Variants in BRINP3 observed in about 807,000 individuals in gnomAD.
The protein encoded by BRINP3 is BMP/retinoic acid inducible neural specific 3.
In BRINP3, 19 loss-of-function variants were observed where a neutral mutation model predicts 71.0. The ratio of observed to expected loss-of-function variants is 0.27; its 90% confidence interval spans 0.19 to 0.39. BRINP3 has a LOEUF of 0.39. Among genes scored for constraint, BRINP3 ranks in the 10% least tolerant of loss-of-function variants. BRINP3 has a pLI of 1.00. For synonymous variants in BRINP3, 380 were observed against 337.7 expected, an observed-to-expected ratio of 1.13 and a Z score of -1.37; for missense variants, 959 against 940.8, an observed-to-expected ratio of 1.02 and a Z score of -0.25.
chr1:190,170,168 G>T (rs1343836465), intron 6 of BRINP3, among the ~76,000 whole-genome samples: 1 of 152,066 alleles, frequency 6.6e-6, no homozygotes, highest in Non-Finnish European at 1.5e-5. Flanking sequence ...TAATAACCAT[G>T]AGGTAGGACA....
At chr1:190,402,851 C>A (rs942376718) in intron 2 of BRINP3, among the ~76,000 whole-genome samples, 1 of 152,146 alleles carries the variant, frequency 6.6e-6, no homozygotes, top group Non-Finnish European at 1.5e-5. Context: ...CCCACTTCAG[C>A]CTCCTGAGGA....
Position 190,307,079 on chromosome 1 carries a change from G to A in BRINP3, c.237-25329C>T, listed in dbSNP as rs375899497. Among the ~76,000 whole-genome samples the A allele has an allele frequency of 6.1e-4, 92 of 151,584 alleles. 1 individual carries two copies. Among genetic ancestry groups the A allele is most frequent in the African/African-American group, 2.2e-3 (90 of 41,378 alleles). On this transcript the variant is annotated intron_variant, in intron 2 of 7. Transcript: ENST00000367462. ...CAAAATACTCTGTCTTGTATAGTGC[G>A]TTTTGTCACTTTACAGATTTGGAAA...
chr1:190,431,927 A>G, intron 2 of BRINP3, among the ~76,000 whole-genome samples: 1 of 152,188 alleles, frequency 6.6e-6, no homozygotes, highest in East Asian at 1.9e-4. Context: ...AATTCATAAG[A>G]AAAAATTGTT....
intron 2 of BRINP3, among the ~76,000 whole-genome samples, chr1:190,437,912 T>C (rs1005258965): frequency 1.3e-5 from 2 of 151,650 alleles, no homozygotes; most frequent in Admixed American, 6.6e-5. Context: ...GGGATTTTGT[T>C]ACAAATTTTT....
Position 190,281,671 on chromosome 1 carries a change from C to G in BRINP3, c.316G>C (p.Glu106Gln). ...FLGSPLPLAP[E>Q]FFRNIRLLGR... Reference sequence around the variant, plus strand: ...AAAAGTCTTATGTTGCGGAAGAATTCAGGGGCAAGAGGCAGAGGAGAGCCA... The same window carrying G: ...AAAAGTCTTATGTTGCGGAAGAATTGAGGGGCAAGAGGCAGAGGAGAGCCA... Residue 106 changes from glutamate (E) to glutamine (Q), a missense_variant, in exon 3 of 8, where the codon GAA becomes CAA. Physicochemically the swap from Glu to Gln is conservative, Grantham distance 29 (BLOSUM62 2). Transcript: ENST00000367462. The G allele has an allele frequency of 6.2e-7, 1 of 1,612,916 alleles. No individual in the cohort carries two copies. The highest frequency in any genetic ancestry group is 8.5e-7 in the Non-Finnish European group (1 of 1,179,348).
intron 2 of BRINP3, among the ~76,000 whole-genome samples, chr1:190,336,538 A>G (rs1260364982): frequency 1.3e-5 from 2 of 152,066 alleles, no homozygotes; most frequent in Admixed American, 6.6e-5. Context: ...CGTAAATCTT[A>G]TCAAACACCA....
intron 6 of BRINP3, among the ~76,000 whole-genome samples, chr1:190,198,236 C>T (rs1485549349): frequency 6.6e-6 from 1 of 152,080 alleles, no homozygotes; most frequent in Non-Finnish European, 1.5e-5. Context: ...GGCCTATAGG[C>T]CTGTGATAGG....
chr1:190,155,325 G>A (rs1228932519), intron 7 of BRINP3, among the ~76,000 whole-genome samples: 3 of 151,942 alleles, frequency 2.0e-5, no homozygotes, highest in Non-Finnish European at 4.4e-5. Context: ...CAGCCTGTGT[G>A]TCCTGACTCA....
chr1:190,254,167 T>C (rs1660425796), intron 4 of BRINP3, among the ~76,000 whole-genome samples: 1 of 152,196 alleles, frequency 6.6e-6, no homozygotes, highest in African/African-American at 2.4e-5. Context: ...TTGGTTACTG[T>C]AGACTTGTAG....
chr1:190,464,052 A>G (rs1356527463), intron 1 of BRINP3, among the ~76,000 whole-genome samples: 1 of 151,896 alleles, frequency 6.6e-6, no homozygotes, highest in Non-Finnish European at 1.5e-5. Flanking sequence ...TAAAAATGGG[A>G]ATAAAATAAT....
intron 2 of BRINP3, 56 bp from the exon 3 acceptor site, chr1:190,281,806 T>A: frequency 2.0e-6 from 3 of 1,521,072 alleles, no homozygotes; most frequent in South Asian, 2.6e-5. Flanking sequence ...AATGTTTTCA[T>A]TTGAGTTCAC....
At chr1:190,225,453 T>C (rs12130069) in intron 6 of BRINP3, among the ~76,000 whole-genome samples, 58,335 of 151,496 alleles carry the variant, frequency 0.39, 12,591 homozygotes, top group Non-Finnish European at 0.49. Context: ...AGATAGAGAG[T>C]AGAACGGTGG....
intron 2 of BRINP3, among the ~76,000 whole-genome samples, chr1:190,430,268 G>C (rs1450655657): frequency 6.6e-6 from 1 of 152,186 alleles, no homozygotes; most frequent in Non-Finnish European, 1.5e-5. Context: ...ATTTGAGAGG[G>C]AGAGGGAGAT....
chr1:190,360,957 A>C (rs1287505384), intron 2 of BRINP3, among the ~76,000 whole-genome samples: 4 of 152,162 alleles, frequency 2.6e-5, no homozygotes, highest in Non-Finnish European at 4.4e-5. Context: ...GTAGTCAGGG[A>C]AAGTGTCACC....
chr1:190,171,099 C>G (rs762742730), intron 6 of BRINP3, among the ~76,000 whole-genome samples: 1 of 152,092 alleles, frequency 6.6e-6, no homozygotes, highest in African/African-American at 2.4e-5. Flanking sequence ...GAATCCAGAG[C>G]TAAAGTGAAG....
intron 6 of BRINP3, among the ~76,000 whole-genome samples, chr1:190,165,443 GTTT>G (rs1222291505): frequency 4.3e-5 from 2 of 46,604 alleles, no homozygotes; most frequent in East Asian, 6.6e-4. Context: ...TTCATTGGCT[GTTT>G]TTTTTTTTTT....
chr1:190,310,634 T>C (rs561545311), intron 2 of BRINP3, among the ~76,000 whole-genome samples: 1 of 151,782 alleles, frequency 6.6e-6, no homozygotes, highest in East Asian at 1.9e-4. Flanking sequence ...TTCTCATATG[T>C]AATTATCATA....
chr1:190,313,345 C>T (rs1015453623), intron 2 of BRINP3, among the ~76,000 whole-genome samples: 1 of 151,730 alleles, frequency 6.6e-6, no homozygotes, highest in African/African-American at 2.4e-5. Context: ...AAATAGATAG[C>T]ATAGATGATA....
chr1:190,431,820 T>A (rs1480347497), intron 2 of BRINP3, among the ~76,000 whole-genome samples: 1 of 152,178 alleles, frequency 6.6e-6, no homozygotes. Flanking sequence ...TGTATTTGTT[T>A]TTCTGCCAGA....
Sources: gnomAD v4.1 joint callset for allele counts (sites outside exome capture counted in the v4.1 genomes callset) on GRCh38, gnomAD v4.1.1 for gene constraint, MANE v1.5 for transcripts, NCBI Gene and HGNC (gene_info 2026-07-23, HGNC 2026-07-21) for gene names.